The following MBOAT2 variants were observed in gnomAD, a reference collection of about 807,000 sequenced individuals.
MBOAT2 encodes membrane bound glycerophospholipid O-acyltransferase 2.
In MBOAT2, 28 loss-of-function variants were observed where a neutral mutation model predicts 63.4. That is an observed-to-expected ratio of 0.44 (90% CI 0.33 to 0.61). The LOEUF (loss-of-function observed/expected upper bound fraction) is 0.61, where lower values mean the gene tolerates loss of function less well. Ranked by LOEUF, MBOAT2 falls within the 20% of genes least tolerant of loss-of-function variation. The pLI, the probability that MBOAT2 is intolerant of heterozygous loss-of-function variation, is 0.03. For synonymous variants in MBOAT2, 211 were observed against 215.6 expected, an observed-to-expected ratio of 0.98 and a Z score of 0.19; for missense variants, 470 against 605.8, an observed-to-expected ratio of 0.78 and a Z score of 2.35.
intron 4 of MBOAT2, among the ~76,000 whole-genome samples, chr2:8,895,307 A>C (rs1664365933): frequency 6.6e-6 from 1 of 152,038 alleles, no homozygotes; most frequent in Non-Finnish European, 1.5e-5. Flanking sequence ...CATTTTACAG[A>C]GTGCTAATTG....
intron 9 of MBOAT2, among the ~76,000 whole-genome samples, chr2:8,867,337 C>CTGGCTACTCCTGAATTCCTT (rs1176568103): frequency 1.3e-5 from 2 of 152,080 alleles, no homozygotes; most frequent in Non-Finnish European, 2.9e-5. Flanking sequence ...TTTTTTCTTT[C>CTGGCTACTCCTGAATTCCTT]TGGCTACTCC....
chr2:8,884,900 T>C (rs907697464), intron 5 of MBOAT2, among the ~76,000 whole-genome samples: 15 of 152,230 alleles, frequency 9.9e-5, no homozygotes, highest in Middle Eastern at 3.4e-3. Context: ...AAAGACAAGA[T>C]ATCATTTTTT....
At chr2:8,897,624 A>C (rs1664581520) in intron 4 of MBOAT2, among the ~76,000 whole-genome samples, 1 of 152,124 alleles carries the variant, frequency 6.6e-6, no homozygotes, top group Non-Finnish European at 1.5e-5. Context: ...CTTACTTTCA[A>C]GTATGGTTAC....
chr2:8,919,503 C>T (rs755210794), intron 3 of MBOAT2, among the ~76,000 whole-genome samples: 4 of 152,026 alleles, frequency 2.6e-5, no homozygotes, highest in Non-Finnish European at 5.9e-5. Flanking sequence ...TGATCTTGAG[C>T]ATCTTTTAAT....
intron 1 of MBOAT2, among the ~76,000 whole-genome samples, chr2:8,964,645 A>T (rs940661394): frequency 1.3e-5 from 2 of 152,176 alleles, no homozygotes; most frequent in African/African-American, 4.8e-5. Context: ...CCAGAGTAGA[A>T]CCTCCAAGTC....
chr2:8,955,887 A>T (rs771673807), intron 2 of MBOAT2, among the ~76,000 whole-genome samples: 1 of 152,104 alleles, frequency 6.6e-6, no homozygotes, highest in African/African-American at 2.4e-5. Context: ...AAAGCAAGAC[A>T]CTCTACCAAC....
chr2:8,912,401 AAGAAAGAAAGAAAGAC>A (rs1480785302), intron 3 of MBOAT2, among the ~76,000 whole-genome samples: 2 of 149,628 alleles, frequency 1.3e-5, no homozygotes, highest in African/African-American at 5.0e-5. Context: ...GAAAGAAAGA[AAGAAAGAAAGAAAGAC>A]AGGCCGGCCG....
intron 2 of MBOAT2, among the ~76,000 whole-genome samples, chr2:8,956,305 T>C (rs577731423): frequency 6.6e-6 from 1 of 152,304 alleles, no homozygotes; most frequent in Admixed American, 6.5e-5. Flanking sequence ...AAGAGTTATC[T>C]TACACATGGT....
At chr2:8,911,475 A>G (rs768625881) in intron 3 of MBOAT2, among the ~76,000 whole-genome samples, 2 of 152,118 alleles carry the variant, frequency 1.3e-5, no homozygotes, top group Non-Finnish European at 2.9e-5. Flanking sequence ...AATTCTTGCT[A>G]TGGTTGGGAT....
intron 3 of MBOAT2, among the ~76,000 whole-genome samples, chr2:8,912,385 A>AAGAAAG (rs765729564): frequency 7.1e-4 from 101 of 142,726 alleles, no homozygotes; most frequent in African/African-American, 2.6e-3. Context: ...GAAAGAAAGA[A>AAGAAAG]AGAAAGAAAG....
At chr2:8,958,229 T>G (rs1206788986) in intron 2 of MBOAT2, among the ~76,000 whole-genome samples, 2 of 152,218 alleles carry the variant, frequency 1.3e-5, no homozygotes, top group African/African-American at 2.4e-5. Flanking sequence ...GAACTACTCA[T>G]GACAGAATCA....
chr2:8,893,524 A>T (rs1410494827), intron 4 of MBOAT2, among the ~76,000 whole-genome samples: 1 of 152,238 alleles, frequency 6.6e-6, no homozygotes, highest in Non-Finnish European at 1.5e-5. Context: ...GACACAGCAG[A>T]TGTTTAATAG....
intron 1 of MBOAT2, among the ~76,000 whole-genome samples, chr2:8,982,884 A>C (rs1671298474): frequency 6.6e-6 from 1 of 152,198 alleles, no homozygotes; most frequent in African/African-American, 2.4e-5. Flanking sequence ...ACTTTTCCAT[A>C]ACCCCTCAGA....
At chr2:8,917,851 G>A (rs1666296789) in intron 3 of MBOAT2, among the ~76,000 whole-genome samples, 1 of 152,140 alleles carries the variant, frequency 6.6e-6, no homozygotes, top group Admixed American at 6.5e-5. Flanking sequence ...ATTAATAGGT[G>A]AAAGGATACA....
chr2:8,867,016 A>G (rs1661946607), intron 9 of MBOAT2, among the ~76,000 whole-genome samples: 1 of 152,028 alleles, frequency 6.6e-6, no homozygotes. Context: ...TTCTATTTGG[A>G]ATGTTGGAAT....
In MBOAT2 at chr2:8,873,254, A is replaced by T; in HGVS notation, c.737T>A (p.Phe246Tyr). ...KLLVCGLSLL[F>Y]HLTICTTLPV... ...TAATGTTGTACAGATGGTCAAGTGA[A>T]ATAACAAGGACAGCCCACAAACTAA... The change falls in exon 8 of 13, where the codon TTT becomes TAT. Residue 246 changes from phenylalanine to tyrosine, a missense_variant. By Grantham distance (22) the Phe-to-Tyr change is conservative. Around this residue, in one of 3 missense-constraint regions of MBOAT2, gnomAD observed 376 missense variants for 503.8 expected, o/e 0.75. Transcript: ENST00000305997. 6.2e-7 allele frequency: 1 copy of T among 1,614,194 alleles called. No individual in the cohort carries two copies. Among genetic ancestry groups the T allele is most frequent in the South Asian group, 1.1e-5 (1 of 91,076 alleles).
intron 3 of MBOAT2, among the ~76,000 whole-genome samples, chr2:8,936,802 A>AG (rs1411956017): frequency 5.6e-5 from 8 of 142,870 alleles, no homozygotes; most frequent in African/African-American, 2.4e-4. Context: ...AAAAAAAAAA[A>AG]AAAGAAAAGA....
chr2:8,860,029 A>C (rs1661381735), intron 12 of MBOAT2, among the ~76,000 whole-genome samples: 1 of 152,008 alleles, frequency 6.6e-6, no homozygotes, highest in Admixed American at 6.6e-5. Flanking sequence ...ACTAAAAAAA[A>C]AAACAAAAAT....
At chr2:8,905,170 A>G (rs1306088614) in intron 4 of MBOAT2, among the ~76,000 whole-genome samples, 1 of 151,994 alleles carries the variant, frequency 6.6e-6, no homozygotes, top group African/African-American at 2.4e-5. Flanking sequence ...TATCCAATCC[A>G]CCTTATTAGC....
Sources: gnomAD v4.1 joint callset for allele counts (sites outside exome capture counted in the v4.1 genomes callset) on GRCh38, gnomAD v4.1.1 for gene constraint, gnomAD v4.1.1 regional missense constraint, MANE v1.5 for transcripts, NCBI Gene and HGNC (gene_info 2026-07-23, HGNC 2026-07-21) for gene names.